RSRC1: variants seen among roughly 807,000 people sequenced by gnomAD.
RSRC1 encodes arginine and serine rich coiled-coil 1, also known as serine/Arginine-related protein 53.
RSRC1 carries 39 observed loss-of-function variants against 49.1 expected under a neutral mutation model. That is an observed-to-expected ratio of 0.79 (90% CI 0.61 to 1.04). The LOEUF is 1.04. RSRC1 is among the 50% of genes least tolerant of loss of function. The pLI is 0.00. For synonymous variants in RSRC1, 143 were observed against 130.8 expected (o/e 1.09, Z -0.63); for missense variants, 388 against 402.4 (o/e 0.96, Z 0.31).
At chr3:158,276,349 C>A in intron 4 of RSRC1, 2 of 770,668 alleles carry the variant, frequency 2.6e-6, no homozygotes, top group East Asian at 2.4e-5. Context: ...CAGCAGCAGA[C>A]CCTCAGAAGA....
chr3:158,297,954 G>C, intron 4 of RSRC1, 85 bp from the exon 5 acceptor site: 1 of 934,670 alleles, frequency 1.1e-6, no homozygotes, highest in Non-Finnish European at 1.7e-6. Context: ...AAAATTACAA[G>C]GGTTTATAAA....
At position 158,265,757 on chromosome 3, in the gene RSRC1, A is replaced by G. The variant is rs115081652; in HGVS notation, c.495-32282A>G. On this transcript the variant is annotated intron_variant, in intron 4 of 9. Transcript: ENST00000611884. ...TACTTTTGATAAATTGCAATTTATC[A>G]GCTTTTTTCATTCTTAATGTTTGCT... is the stretch of plus-strand genomic sequence containing the variant. Among the ~76,000 whole-genome samples the G allele has an allele frequency of 3.8e-3, 574 of 152,324 alleles. 5 individuals carry two copies. The highest frequency in any genetic ancestry group is 0.013 in the African/African-American group (545 of 41,580).
intron 5 of RSRC1, among the ~76,000 whole-genome samples, chr3:158,316,999 C>T (rs548286639): frequency 6.6e-6 from 1 of 152,152 alleles, no homozygotes; most frequent in Non-Finnish European, 1.5e-5. Context: ...GAATATTGAA[C>T]ATGAGTACAG....
Position 158,543,379 on chromosome 3 carries a change from A to C in RSRC1, c.804A>C (p.Gly268=). The change falls in exon 9 of 10, where the codon GGA becomes GGC. Residue 268 remains glycine, a synonymous_variant. Coordinates refer to ENST00000611884, the MANE Select transcript of RSRC1 (RefSeq NM_001271838.2). ...TGAAACAAGCAACTTCAACATCAGG[A>C]CCAGCATCAGCAGTTGCTGATCCAC... ...SEVKQATSTS[G]PASAVADPPS... 1.9e-6 allele frequency: 3 copies of C among 1,599,246 alleles called. No homozygotes were observed. The highest frequency in any genetic ancestry group is 2.6e-6 in the Non-Finnish European group (3 of 1,173,954).
chr3:158,221,323 G>T (rs16828778), intron 4 of RSRC1, among the ~76,000 whole-genome samples: 1 of 151,210 alleles, frequency 6.6e-6, no homozygotes, highest in East Asian at 1.9e-4. Context: ...TTGTCAAATG[G>T]TGGTCTATTT....
At chr3:158,536,225 G>A (rs1055159842) in intron 7 of RSRC1, among the ~76,000 whole-genome samples, 1 of 151,326 alleles carries the variant, frequency 6.6e-6, no homozygotes, top group African/African-American at 2.4e-5. Flanking sequence ...TAAACCTATA[G>A]GTTTCACTAG....
intron 3 of RSRC1, among the ~76,000 whole-genome samples, chr3:158,200,513 TAA>T (rs1451719399): frequency 2.5e-4 from 38 of 152,220 alleles, no homozygotes; most frequent in African/African-American, 8.7e-4. Flanking sequence ...TAATTAGATT[TAA>T]GTCTATCATT....
intron 4 of RSRC1, among the ~76,000 whole-genome samples, chr3:158,284,073 T>C (rs1477436534): frequency 7.4e-6 from 1 of 134,732 alleles, no homozygotes; most frequent in African/African-American, 2.8e-5. Context: ...CCCCAGAGTG[T>C]GATGTTCCCC....
intron 5 of RSRC1, among the ~76,000 whole-genome samples, chr3:158,310,453 T>C (rs1332263450): frequency 6.6e-6 from 1 of 151,798 alleles, no homozygotes; most frequent in African/African-American, 2.4e-5. Context: ...TTTAAATTGG[T>C]TTATTCAAAA....
rs888416006 is a variant in RSRC1 at position 158,545,218 on chromosome 3, T to G, written c.*943T>G. ...CTTTTTTTTTTTTTTTTTTTTTTTT[T>G]TGAGACGGAGTCTCGCTCTATCCCC... On this transcript the variant is annotated 3_prime_UTR_variant, in exon 10 of 10. Coordinates refer to ENST00000611884, the MANE Select transcript of RSRC1 (RefSeq NM_001271838.2). 43 of 139,518 alleles carry G rather than the reference T, an allele frequency of 3.1e-4. No individual in the cohort carries two copies. Among genetic ancestry groups the G allele is most frequent in the Middle Eastern group, 3.6e-3 (1 of 278 alleles). The allele number at this position is 139,518 out of a possible 1,614,324, so 8.6% of individuals were successfully genotyped here.
At chr3:158,282,888 T>C (rs774990134) in intron 4 of RSRC1, among the ~76,000 whole-genome samples, 11 of 152,114 alleles carry the variant, frequency 7.2e-5, no homozygotes, top group African/African-American at 9.7e-5. Context: ...TATGAAGACA[T>C]TGATGTTAGG....
chr3:158,144,273 A>G (rs962209166), intron 3 of RSRC1, among the ~76,000 whole-genome samples: 2 of 152,058 alleles, frequency 1.3e-5, no homozygotes, highest in Non-Finnish European at 1.5e-5. Flanking sequence ...TCCTAATGCT[A>G]TCCCTCCCCC....
At chr3:158,396,322 G>A (rs534457620) in intron 6 of RSRC1, among the ~76,000 whole-genome samples, 2 of 150,986 alleles carry the variant, frequency 1.3e-5, no homozygotes, top group East Asian at 1.9e-4. Flanking sequence ...ATCTAGACAC[G>A]TACCCCTGAA....
intron 6 of RSRC1, among the ~76,000 whole-genome samples, chr3:158,357,560 G>C (rs941097156): frequency 6.6e-6 from 1 of 152,146 alleles, no homozygotes; most frequent in Admixed American, 6.5e-5. Flanking sequence ...TAGATGGATA[G>C]GTAGGGGAAG....
At chr3:158,116,873 T>C (rs1444460030) in intron 1 of RSRC1, among the ~76,000 whole-genome samples, 1 of 152,184 alleles carries the variant, frequency 6.6e-6, no homozygotes, top group Non-Finnish European at 1.5e-5. Flanking sequence ...GCTATCAGTC[T>C]GGGATGTCTT....
At chr3:158,325,888 A>G (rs1402704730) in intron 5 of RSRC1, among the ~76,000 whole-genome samples, 1 of 152,132 alleles carries the variant, frequency 6.6e-6, no homozygotes, top group East Asian at 1.9e-4. Context: ...ATTTGTTTGT[A>G]TCCTCTTTTA....
chr3:158,252,823 G>A (rs1238368272), intron 4 of RSRC1, among the ~76,000 whole-genome samples: 1 of 152,080 alleles, frequency 6.6e-6, no homozygotes, highest in African/African-American at 2.4e-5. Flanking sequence ...TAGACTGTAT[G>A]TGTCTAGGAA....
chr3:158,200,382 C>T (rs1450501606), intron 3 of RSRC1, among the ~76,000 whole-genome samples: 1 of 152,136 alleles, frequency 6.6e-6, no homozygotes, highest in Non-Finnish European at 1.5e-5. Flanking sequence ...ATTTAAAGTA[C>T]ATATTTTGTA....
Position 158,379,192 on chromosome 3 carries a change from C to CTTTT in RSRC1, c.583+24307_583+24310dup, listed in dbSNP as rs768767131. On this transcript the variant is annotated intron_variant, in intron 6 of 9. Coordinates refer to ENST00000611884, the MANE Select transcript of RSRC1 (RefSeq NM_001271838.2). ...TTTAAAACCTTGATCAGAAATACCACTTTTTTTTTTTTTTTTTTTTTTTTT... is the reference window on the plus strand; with the variant it reads ...TTTAAAACCTTGATCAGAAATACCACTTTTTTTTTTTTTTTTTTTTTTTTTTTTT... 7.5e-4 allele frequency among the ~76,000 whole-genome samples: 70 copies of CTTTT among 93,918 alleles called. 4 individuals are homozygous for CTTTT. The highest frequency in any genetic ancestry group is 2.4e-3 in the African/African-American group (57 of 24,202). 61.6% of individuals were successfully genotyped at this position (93,918 alleles called of 152,430 possible). A position where few individuals can be genotyped will look rare whatever the true frequency, so the allele number is the denominator to read the frequency against.
Sources: gnomAD v4.1 joint callset for allele counts (sites outside exome capture counted in the v4.1 genomes callset) on GRCh38, gnomAD v4.1.1 for gene constraint, MANE v1.5 for transcripts, NCBI Gene and HGNC (gene_info 2026-07-23, HGNC 2026-07-21) for gene names.